Variants in NXPH1 observed in about 807,000 individuals in gnomAD.
The protein encoded by NXPH1 is neurexophilin 1.
In NXPH1, 5 loss-of-function variants were observed where a neutral mutation model predicts 23.7. That is an observed-to-expected ratio of 0.21 (90% confidence interval 0.11 to 0.44). NXPH1 has a LOEUF of 0.44. Ranked by LOEUF, NXPH1 falls within the 20% of genes least tolerant of loss-of-function variation. The pLI, the probability that NXPH1 is intolerant of heterozygous loss-of-function variation, is 0.99. For synonymous variants in NXPH1, 144 were observed against 122.2 expected (o/e 1.18, Z -1.18); for missense variants, 324 against 321.6 (o/e 1.01, Z -0.06).
chr7:8,439,200 G>A (rs1043092814), intron 2 of NXPH1, among the ~76,000 whole-genome samples: 6 of 152,076 alleles, frequency 3.9e-5, no homozygotes, highest in Non-Finnish European at 7.4e-5. Context: ...TGATACAATG[G>A]GATGGCAGGA....
intron 2 of NXPH1, among the ~76,000 whole-genome samples, chr7:8,711,208 G>A (rs768612550): frequency 1.3e-5 from 2 of 151,980 alleles, no homozygotes; most frequent in Non-Finnish European, 2.9e-5. Context: ...AAGACTTTAC[G>A]GACATACTTA....
chr7:8,478,421 A>G (rs1817013065), intron 2 of NXPH1, among the ~76,000 whole-genome samples: 1 of 152,116 alleles, frequency 6.6e-6, no homozygotes, highest in Non-Finnish European at 1.5e-5. Flanking sequence ...GAATAAACAT[A>G]AAACCAAATA....
chr7:8,621,387 A>T (rs1415457557), intron 2 of NXPH1, among the ~76,000 whole-genome samples: 1 of 152,182 alleles, frequency 6.6e-6, no homozygotes, highest in African/African-American at 2.4e-5. Flanking sequence ...AGGGTGAGCA[A>T]CAGGATAGCT....
At position 8,635,461 on chromosome 7, in the gene NXPH1, A is replaced by G. The variant is rs369957235; in HGVS notation, c.55-115547A>G. Among the ~76,000 whole-genome samples, 23 of 152,308 alleles carry G rather than the reference A, an allele frequency of 1.5e-4. No individual in the cohort carries two copies. In the East Asian group the frequency reaches 2.9e-3, roughly 19 times the overall value. On this transcript the variant is annotated intron_variant, in intron 2 of 2. Coordinates refer to ENST00000405863, the MANE Select transcript of NXPH1 (RefSeq NM_152745.3). Reference sequence around the variant, plus strand: ...GGCACCCTTTGAATTATTTTATTAAATTCTGCAAGATCTTAGTGATTGGTT... The same window carrying G: ...GGCACCCTTTGAATTATTTTATTAAGTTCTGCAAGATCTTAGTGATTGGTT...
intron 2 of NXPH1, among the ~76,000 whole-genome samples, chr7:8,461,823 C>A (rs1253269648): frequency 8.4e-5 from 4 of 47,858 alleles, no homozygotes; most frequent in African/African-American, 2.7e-4. Context: ...GGCGACAGAG[C>A]GAGACTCCGT....
intron 2 of NXPH1, among the ~76,000 whole-genome samples, chr7:8,741,011 A>G (rs188863334): frequency 6.6e-6 from 1 of 152,338 alleles, no homozygotes; most frequent in East Asian, 1.9e-4. Context: ...TATTCATCAC[A>G]TAATCAAATG....
intron 2 of NXPH1, among the ~76,000 whole-genome samples, chr7:8,529,195 C>T (rs1817912119): frequency 6.6e-6 from 1 of 152,248 alleles, no homozygotes; most frequent in Non-Finnish European, 1.5e-5. Context: ...TTTAAAGACT[C>T]ACGTGATCAC....
At chr7:8,476,528 G>A (rs370652685) in intron 2 of NXPH1, among the ~76,000 whole-genome samples, 8 of 151,578 alleles carry the variant, frequency 5.3e-5, no homozygotes, top group African/African-American at 1.5e-4. Context: ...ATTCATATGA[G>A]GGATTCATAT....
chr7:8,566,953 AG>A (rs1335297668), intron 2 of NXPH1, among the ~76,000 whole-genome samples: 1 of 151,906 alleles, frequency 6.6e-6, no homozygotes, highest in East Asian at 1.9e-4. Flanking sequence ...TTCAAGAACA[AG>A]AAGAAAAAAA....
chr7:8,670,248 C>G (rs1820848369), intron 2 of NXPH1, among the ~76,000 whole-genome samples: 1 of 152,122 alleles, frequency 6.6e-6, no homozygotes, highest in African/African-American at 2.4e-5. Flanking sequence ...GAGGTAGTGT[C>G]CTTTGCTTTC....
chr7:8,522,868 A>G (rs1817795765), intron 2 of NXPH1, among the ~76,000 whole-genome samples: 2 of 152,180 alleles, frequency 1.3e-5, no homozygotes, highest in South Asian at 2.1e-4. Context: ...TGTAGAGTCT[A>G]CTTTGTACCC....
At chr7:8,732,538 G>T (rs958466404) in intron 2 of NXPH1, among the ~76,000 whole-genome samples, 1 of 152,142 alleles carries the variant, frequency 6.6e-6, no homozygotes, top group Non-Finnish European at 1.5e-5. Context: ...TTCCTGAAAG[G>T]CATCTGTATT....
At chr7:8,459,671 A>C (rs1225592335) in intron 2 of NXPH1, among the ~76,000 whole-genome samples, 1 of 152,158 alleles carries the variant, frequency 6.6e-6, no homozygotes, top group Non-Finnish European at 1.5e-5. Flanking sequence ...TCAAGACTGA[A>C]AGAGACTGAG....
At chr7:8,630,194 G>T (rs1820098219) in intron 2 of NXPH1, among the ~76,000 whole-genome samples, 3 of 152,018 alleles carry the variant, frequency 2.0e-5, no homozygotes, top group Admixed American at 2.0e-4. Flanking sequence ...TGGGTCCTGT[G>T]CTTCATTAAG....
chr7:8,726,074 G>A (rs1241238898), intron 2 of NXPH1, among the ~76,000 whole-genome samples: 1 of 152,096 alleles, frequency 6.6e-6, no homozygotes, highest in East Asian at 1.9e-4. Flanking sequence ...AAATATCAAA[G>A]TCATTATTTC....
Position 8,728,059 on chromosome 7 carries a change from T to C in NXPH1, c.55-22949T>C, listed in dbSNP as rs541372107. ...TCCTTGAAGAGGTCCTTCACATCCCTTGTAAGTTGGATTCCTAGGTATTTT... is the reference window on the plus strand; with the variant it reads ...TCCTTGAAGAGGTCCTTCACATCCCCTGTAAGTTGGATTCCTAGGTATTTT... On this transcript the variant is annotated intron_variant, in intron 2 of 2. Transcript: ENST00000405863. Among the ~76,000 whole-genome samples, 1,134 of 150,570 alleles carry C rather than the reference T, an allele frequency of 7.5e-3. 16 individuals are homozygous for C. Among genetic ancestry groups the C allele is most frequent in the African/African-American group, 0.025 (1,048 of 41,116 alleles).
At chr7:8,554,677 A>T (rs1448432765) in intron 2 of NXPH1, among the ~76,000 whole-genome samples, 1 of 151,844 alleles carries the variant, frequency 6.6e-6, no homozygotes, top group Middle Eastern at 3.4e-3. Flanking sequence ...GTTAAAAAAC[A>T]GAACATGGCT....
chr7:8,683,812 T>C (rs1200121499), intron 2 of NXPH1, among the ~76,000 whole-genome samples: 2 of 152,076 alleles, frequency 1.3e-5, no homozygotes, highest in African/African-American at 4.8e-5. Flanking sequence ...CTGCTTAATA[T>C]GAAAAATATA....
At chr7:8,692,904 C>T (rs1315999098) in intron 2 of NXPH1, among the ~76,000 whole-genome samples, 1 of 152,024 alleles carries the variant, frequency 6.6e-6, no homozygotes, top group Non-Finnish European at 1.5e-5. Context: ...AACGAATCAC[C>T]CTTAGACAAA....
Sources: gnomAD v4.1 joint callset for allele counts (sites outside exome capture counted in the v4.1 genomes callset) on GRCh38, gnomAD v4.1.1 for gene constraint, MANE v1.5 for transcripts, NCBI Gene and HGNC (gene_info 2026-07-23, HGNC 2026-07-21) for gene names.